The following ARSB variants were observed in gnomAD, a reference collection of about 807,000 sequenced individuals.
The protein encoded by ARSB is arylsulfatase B, also known as N-acetylgalactosamine-4-sulfatase.
Under a neutral mutation model 50.9 loss-of-function variants are expected in ARSB, and 41 were observed. That is an observed-to-expected ratio of 0.81 (90% CI 0.63 to 1.04). ARSB has a LOEUF of 1.04. Among genes scored for constraint, ARSB ranks in the 50% least tolerant of loss-of-function variants. The pLI is 0.00. For missense variants in ARSB, 672 were observed against 693.3 expected (o/e 0.97, Z 0.35); for synonymous variants, 269 against 284.8 (o/e 0.94, Z 0.56).
intron 4 of ARSB, among the ~76,000 whole-genome samples, chr5:78,889,181 C>T (rs1406040478): frequency 6.6e-6 from 1 of 152,158 alleles, no homozygotes; most frequent in Non-Finnish European, 1.5e-5. Flanking sequence ...TCAAAGAATT[C>T]AACATAAAAC....
At chr5:78,807,200 T>G (rs1400161411) in intron 6 of ARSB, among the ~76,000 whole-genome samples, 1 of 152,168 alleles carries the variant, frequency 6.6e-6, no homozygotes, top group Non-Finnish European at 1.5e-5. Context: ...TCTCCCTCCT[T>G]AAGAGTGAGA....
chr5:78,975,107 C>G (rs554451504), intron 1 of ARSB, among the ~76,000 whole-genome samples: 7 of 152,278 alleles, frequency 4.6e-5, no homozygotes, highest in Admixed American at 1.3e-4. Context: ...AACATTTCTT[C>G]CAGCTCTGCA....
chr5:78,790,763 C>A (rs1749214215), intron 6 of ARSB, among the ~76,000 whole-genome samples: 1 of 152,076 alleles, frequency 6.6e-6, no homozygotes, highest in African/African-American at 2.4e-5. Flanking sequence ...CTACCCAAGA[C>A]CTTACAAAGA....
At chr5:78,803,297 C>G (rs1743461871) in intron 6 of ARSB, among the ~76,000 whole-genome samples, 1 of 152,186 alleles carries the variant, frequency 6.6e-6, no homozygotes, top group African/African-American at 2.4e-5. Context: ...GGACGGCCGC[C>G]TCTTGTATTA....
intron 6 of ARSB, among the ~76,000 whole-genome samples, chr5:78,805,678 C>T (rs1174213090): frequency 1.3e-5 from 2 of 152,190 alleles, no homozygotes; most frequent in Admixed American, 6.5e-5. Context: ...GGTCAGCATG[C>T]CTTTGTCTTC....
chr5:78,853,187 T>G (rs1377883180), intron 5 of ARSB, among the ~76,000 whole-genome samples: 1 of 152,246 alleles, frequency 6.6e-6, no homozygotes, highest in Non-Finnish European at 1.5e-5. Context: ...CTTTGTGGCT[T>G]TATCTGCTTT....
At chr5:78,940,792 TTAAAG>T (rs1299042488) in intron 4 of ARSB, among the ~76,000 whole-genome samples, 29 of 152,156 alleles carry the variant, frequency 1.9e-4, no homozygotes, top group Admixed American at 7.2e-4. Flanking sequence ...CATATGAACT[TTAAAG>T]TAGTTTTTTC....
intron 6 of ARSB, among the ~76,000 whole-genome samples, chr5:78,824,096 T>C (rs1744339986): frequency 6.6e-6 from 1 of 152,218 alleles, no homozygotes; most frequent in African/African-American, 2.4e-5. Context: ...CTGCCACTCT[T>C]GCCATGTGCA....
intron 5 of ARSB, among the ~76,000 whole-genome samples, chr5:78,862,023 A>C (rs577860309): frequency 3.9e-5 from 6 of 152,352 alleles, no homozygotes; most frequent in African/African-American, 1.4e-4. Context: ...CAATTGCTTC[A>C]AAGAGAATAA....
chr5:78,822,219 AAAT>A (rs1452488982), intron 6 of ARSB, among the ~76,000 whole-genome samples: 4 of 152,230 alleles, frequency 2.6e-5, no homozygotes, highest in African/African-American at 9.6e-5. Context: ...TTCTATGTTA[AAAT>A]AATAAAGTTT....
At chr5:78,798,729 T>C (rs1441751666) in intron 6 of ARSB, among the ~76,000 whole-genome samples, 1 of 152,196 alleles carries the variant, frequency 6.6e-6, no homozygotes, top group Non-Finnish European at 1.5e-5. Context: ...TTAATGGCTG[T>C]CAGGTGGGCC....
intron 6 of ARSB, among the ~76,000 whole-genome samples, chr5:78,800,046 G>A (rs1362033801): frequency 2.0e-5 from 3 of 152,164 alleles, no homozygotes; most frequent in African/African-American, 4.8e-5. Flanking sequence ...GGCCAGTCGC[G>A]GTGGCTCACG....
At chr5:78,789,781 T>C (rs370017037) in intron 6 of ARSB, among the ~76,000 whole-genome samples, 2 of 152,216 alleles carry the variant, frequency 1.3e-5, no homozygotes, top group African/African-American at 2.4e-5. Context: ...TTTTAAGCAC[T>C]TGGTGTCTAA....
chr5:78,983,481 T>C (rs750266618), intron 1 of ARSB, among the ~76,000 whole-genome samples: 1 of 152,220 alleles, frequency 6.6e-6, no homozygotes, highest in African/African-American at 2.4e-5. Flanking sequence ...TCAAAGCAAA[T>C]GCAGAACCCT....
chr5:78,969,308 T>C (rs1316578851), intron 1 of ARSB, 116 bp from the exon 2 acceptor site: 2 of 1,104,802 alleles, frequency 1.8e-6, no homozygotes, highest in Non-Finnish European at 2.7e-6. Flanking sequence ...TTTAACTCTA[T>C]TCCTGTACTG....
intron 5 of ARSB, among the ~76,000 whole-genome samples, chr5:78,859,109 TG>T (rs975607431): frequency 6.6e-6 from 1 of 152,068 alleles, no homozygotes; most frequent in Non-Finnish European, 1.5e-5. Context: ...TGTGTGTGTA[TG>T]GGGGGCAGGT....
Position 78,985,043 on chromosome 5 carries a change from G to A in ARSB, c.206C>T (p.Thr69Met), listed in dbSNP as rs1554032175. Residue 69 changes from threonine (T) to methionine (M), a missense_variant, in exon 1 of 8, where the codon ACG becomes ATG. Thr to Met is a moderately conservative substitution (Grantham distance 81). Transcript: ENST00000264914. Reference sequence around the variant, plus strand: ...GGCCGCCAGCGCGTCCAGGTGCGGCGTGCGGATGCGGGAGCCGTGGAAGCC... The same window carrying A: ...GGCCGCCAGCGCGTCCAGGTGCGGCATGCGGATGCGGGAGCCGTGGAAGCC... ...DVGFHGSRIR[T>M]PHLDALAAGG... The A allele has an allele frequency of 6.5e-7, 1 of 1,542,050 alleles. No individual in the cohort carries two copies. The highest frequency in any genetic ancestry group is 1.9e-5 in the Admixed American group (1 of 51,554).
At chr5:78,851,339 G>A (rs1214918042) in intron 5 of ARSB, among the ~76,000 whole-genome samples, 1 of 152,160 alleles carries the variant, frequency 6.6e-6, no homozygotes, top group African/African-American at 2.4e-5. Flanking sequence ...TTCAGGAGTA[G>A]GTTGTTCAGT....
intron 6 of ARSB, among the ~76,000 whole-genome samples, chr5:78,802,869 A>G (rs1743443838): frequency 6.6e-6 from 1 of 152,232 alleles, no homozygotes; most frequent in East Asian, 1.9e-4. Context: ...GAATAGGATC[A>G]AAGTCTTTAA....
Sources: gnomAD v4.1 joint callset for allele counts (sites outside exome capture counted in the v4.1 genomes callset) on GRCh38, gnomAD v4.1.1 for gene constraint, MANE v1.5 for transcripts, NCBI Gene and HGNC (gene_info 2026-07-23, HGNC 2026-07-21) for gene names.